MACF1: variants seen among roughly 807,000 people sequenced by gnomAD.
MACF1 encodes microtubule actin crosslinking factor 1.
In MACF1, 193 loss-of-function variants were observed where a neutral mutation model predicts 854.8. That is an observed-to-expected ratio of 0.23 (90% CI 0.20 to 0.25). MACF1 has a LOEUF of 0.25. Ranked by LOEUF, MACF1 falls within the 10% of genes least tolerant of loss-of-function variation. The pLI, the probability that MACF1 is intolerant of heterozygous loss-of-function variation, is 1.00. For missense variants in MACF1, 7,722 were observed against 8,929.1 expected (o/e 0.86, Z 5.45); for synonymous variants, 3,185 against 3,226.7 (o/e 0.99, Z 0.44).
chr1:39,314,569 T>TCTCACACACACACACA (rs1379643806), intron 26 of MACF1, among the ~76,000 whole-genome samples: 1 of 65,306 alleles, frequency 1.5e-5, no homozygotes, highest in Non-Finnish European at 3.5e-5. Flanking sequence ...TCTCTCTCTC[T>TCTCACACACACACACA]CACACACACA....
Position 39,335,021 on chromosome 1 carries a change from T to C in MACF1, c.8433T>C (p.Ser2811=). The change falls in exon 37 of 101, where the codon AGT becomes AGC. Residue 2811 remains serine (S), a synonymous_variant. Coordinates refer to ENST00000564288, the MANE Select transcript of MACF1 (RefSeq NM_001394062.1). ...TGAGTTGTAATAAAGTAGAAGAGAG[T>C]GAGAGATTATTTCAAGTTGAAAATC... The part of the protein sequence containing the change: ...AEMSCNKVEE[S]ERLFQVENQS... The C allele has an allele frequency of 1.2e-6, 2 of 1,613,742 alleles. No homozygotes were observed. The highest frequency in any genetic ancestry group is 1.7e-6 in the Non-Finnish European group (2 of 1,179,904).
chr1:39,164,985 T>C (rs1192742857), intron 2 of MACF1, among the ~76,000 whole-genome samples: 2 of 152,202 alleles, frequency 1.3e-5, no homozygotes, highest in Non-Finnish European at 2.9e-5. Context: ...ACATCCTTGT[T>C]TCTGACTTGG....
chr1:39,351,778 G>A (rs1647192537), intron 43 of MACF1, among the ~76,000 whole-genome samples: 1 of 151,760 alleles, frequency 6.6e-6, no homozygotes, highest in East Asian at 1.9e-4. Context: ...AGTAGAGATG[G>A]GGTTTCACCA....
In MACF1 at chr1:39,347,228, G is replaced by A. The variant is rs1647072055; in HGVS notation, c.10815+18G>A. On this transcript the variant is annotated intron_variant, in intron 41 of 100. Coordinates refer to ENST00000564288, the MANE Select transcript of MACF1 (RefSeq NM_001394062.1). ...TGGTGAAGGTCAGACTGAACCAGCA[G>A]CTGGGCTCAGTTTGTCTTTGGGGAT... 3 of 1,569,462 alleles carry A rather than the reference G, an allele frequency of 1.9e-6. 1 individual carries two copies. The highest frequency in any genetic ancestry group is 2.6e-6 in the Non-Finnish European group (3 of 1,140,366).
intron 64 of MACF1, 51 bp from the exon 65 acceptor site, chr1:39,429,776 C>T (rs780626486): frequency 6.4e-7 from 1 of 1,570,874 alleles, no homozygotes; most frequent in Non-Finnish European, 8.7e-7. Flanking sequence ...ATCAGAGACT[C>T]CTCATTCCTA....
chr1:39,424,935 T>A (rs1260524375), intron 61 of MACF1, among the ~76,000 whole-genome samples: 1 of 152,242 alleles, frequency 6.6e-6, no homozygotes, highest in East Asian at 1.9e-4. Flanking sequence ...CCCTCTTCAG[T>A]CTTTTTATGT....
At chr1:39,477,785 G>A (rs1162288695) in intron 97 of MACF1, among the ~76,000 whole-genome samples, 6 of 152,100 alleles carry the variant, frequency 3.9e-5, no homozygotes, top group African/African-American at 4.8e-5. Context: ...GTACTTAAGT[G>A]TCTCTGTAAC....
intron 6 of MACF1, among the ~76,000 whole-genome samples, chr1:39,263,778 T>C (rs1325947761): frequency 3.0e-5 from 4 of 132,634 alleles, no homozygotes; most frequent in East Asian, 2.1e-4. Flanking sequence ...TTTCTTTTTT[T>C]TTTTTTTTTT....
intron 49 of MACF1, among the ~76,000 whole-genome samples, chr1:39,363,604 C>CTTTCTTTTTTTTTT (rs771066867): frequency 7.3e-6 from 1 of 136,106 alleles, no homozygotes; most frequent in African/African-American, 2.8e-5. Flanking sequence ...TTCTTTCTTT[C>CTTTCTTTTTTTTTT]TTTTTTTTTT....
At chr1:39,456,300 C>T (rs1311683969) in intron 89 of MACF1, among the ~76,000 whole-genome samples, 2 of 152,184 alleles carry the variant, frequency 1.3e-5, no homozygotes, top group Non-Finnish European at 2.9e-5. Context: ...CACCATTGCA[C>T]TCCAGCCTGG....
At chr1:39,122,121 A>G (rs1187219707) in intron 2 of MACF1, among the ~76,000 whole-genome samples, 1 of 152,158 alleles carries the variant, frequency 6.6e-6, no homozygotes, top group East Asian at 1.9e-4. Flanking sequence ...TGTGTTGCAC[A>G]TACTCCCACT....
chr1:39,245,742 T>C (rs1422462017), intron 2 of MACF1, among the ~76,000 whole-genome samples: 2 of 152,218 alleles, frequency 1.3e-5, no homozygotes, highest in African/African-American at 4.8e-5. Context: ...GCAATATTTA[T>C]TCATTCATTT....
At chr1:39,432,188 CTA>C (rs1303801633) in intron 66 of MACF1, among the ~76,000 whole-genome samples, 5 of 152,176 alleles carry the variant, frequency 3.3e-5, no homozygotes, top group Non-Finnish European at 7.3e-5. Flanking sequence ...CTGACTAAAC[CTA>C]CTACTGTTCC....
At chr1:39,450,157 C>T (rs974119698) in intron 84 of MACF1, among the ~76,000 whole-genome samples, 7 of 152,080 alleles carry the variant, frequency 4.6e-5, no homozygotes, top group African/African-American at 1.7e-4. Context: ...CCACCACGCC[C>T]AGCCATTGTT....
At chr1:39,247,068 ATT>A (rs58410726) in intron 2 of MACF1, among the ~76,000 whole-genome samples, 53 of 93,494 alleles carry the variant, frequency 5.7e-4, no homozygotes, top group African/African-American at 2.1e-3. Context: ...TGCCCGGCTA[ATT>A]TTTTTTTTTT....
At position 39,084,435 on chromosome 1, in the gene MACF1, G is replaced by A. The variant is rs1452649648; in HGVS notation, c.217G>A (p.Ala73Thr). Residue 73 changes from alanine (A) to threonine (T), a missense_variant, in exon 2 of 94, where the codon GCT (alanine) becomes ACT (threonine). Ala to Thr is a moderately conservative substitution (Grantham distance 58). Transcript: ENST00000361689. The surrounding 1 kb of genome is among the most constrained non-coding windows in gnomAD (Gnocchi z 5.2). ...TGCAGAGCGTGCTGTGGTCAGAGTC[G>A]CTGGTAAGAGAGGTCCCCCAGCAGG... 1 of 1,606,920 alleles carries A rather than the reference G, an allele frequency of 6.2e-7. No homozygotes were observed. Among genetic ancestry groups the A allele is most frequent in the Non-Finnish European group, 8.5e-7 (1 of 1,179,356 alleles).
intron 58 of MACF1, chr1:39,414,266 C>T (rs377332333): frequency 1.2e-4 from 199 of 1,614,056 alleles, no homozygotes; most frequent in Middle Eastern, 1.6e-4. Context: ...GAAGTTTCCC[C>T]CATTGGTGTG....
At position 39,158,114 on chromosome 1, in the gene MACF1, A is replaced by G. The variant is rs76824050; in HGVS notation, c.221-73068A>G. Among the ~76,000 whole-genome samples the G allele has an allele frequency of 5.8e-3, 887 of 152,190 alleles. 7 individuals are homozygous for G. The highest frequency in any genetic ancestry group is 0.017 in the Middle Eastern group (5 of 294). On this transcript the variant is annotated intron_variant, in intron 2 of 93. Transcript: ENST00000361689. ...ATCCTAAGAACCTGTGACTATTGGG[A>G]TGGTCATCTTTTTGAGGCCAGCAGT...
intron 40 of MACF1, among the ~76,000 whole-genome samples, chr1:39,344,063 C>T (rs989214743): frequency 1.4e-5 from 2 of 140,976 alleles, no homozygotes; most frequent in African/African-American, 2.7e-5. Flanking sequence ...TGTGGTGAGC[C>T]GAGGTTGCGC....
Sources: allele counts gnomAD v4.1 joint callset (sites outside exome capture counted in the v4.1 genomes callset), GRCh38; gene constraint gnomAD v4.1.1; non-coding constraint Gnocchi (gnomAD v3.1); transcripts MANE v1.5; gene names NCBI Gene and HGNC (gene_info 2026-07-23, HGNC 2026-07-21).